CTH: variants seen among roughly 807,000 people sequenced by gnomAD.
CTH encodes cystathionase (cystathionine gamma-lyase).
A neutral mutation model predicts 50.6 loss-of-function variants in CTH; 41 were observed. The observed-to-expected ratio is 0.81, with a 90% CI of 0.63 to 1.05. The LOEUF (loss-of-function observed/expected upper bound fraction) is 1.05, where lower values mean the gene tolerates loss of function less well. Ranked by LOEUF, CTH falls within the 50% of genes least tolerant of loss-of-function variation. The probability of loss-of-function intolerance (pLI) is 0.00; values close to 1 mark genes in which losing one functional copy is unlikely to be tolerated. For synonymous variants in CTH, 156 were observed against 168.9 expected, an observed-to-expected ratio of 0.92 and a Z score of 0.59; for missense variants, 470 against 492.6, an observed-to-expected ratio of 0.95 and a Z score of 0.43.
In CTH at chr1:70,439,200, A is replaced by G. The variant is rs1379272118; in HGVS notation, c.*73A>G. On this transcript the variant is annotated 3_prime_UTR_variant, in exon 12 of 12. Coordinates refer to ENST00000370938, the MANE Select transcript of CTH (RefSeq NM_001902.6). ...TCCTGAGTAATTAAATGGACCAACA[A>G]TGAGCCTTTGCAAAATTTTCAAGCG... 8.4e-6 allele frequency: 12 copies of G among 1,436,242 alleles called. No homozygotes were observed. The highest frequency in any genetic ancestry group is 8.8e-6 in the Non-Finnish European group (9 of 1,019,550). 89.0% of individuals were successfully genotyped at this position (1,436,242 alleles called of 1,614,324 possible).
At chr1:70,415,279 C>T (rs1231415385) in intron 1 of CTH, among the ~76,000 whole-genome samples, 3 of 151,982 alleles carry the variant, frequency 2.0e-5, no homozygotes, top group African/African-American at 7.3e-5. Flanking sequence ...TGACATGCAC[C>T]TGTAGTCTTA....
At position 70,414,356 on chromosome 1, in the gene CTH, G is replaced by A. The variant is rs572732620; in HGVS notation, c.169-1600G>A. 8.6e-5 allele frequency among the ~76,000 whole-genome samples: 13 copies of A among 151,952 alleles called. No homozygotes were observed. In the South Asian group the frequency reaches 2.7e-3, roughly 32 times the overall value. On this transcript the variant is annotated intron_variant, in intron 1 of 11. Coordinates refer to ENST00000370938, the MANE Select transcript of CTH (RefSeq NM_001902.6). ...GTGAAACCCCATCTCTACTAAAAAA[G>A]TACAAAAATTAGCTGTGTGTGGTGG...
intron 5 of CTH, among the ~76,000 whole-genome samples, chr1:70,428,603 T>C (rs993511691): frequency 0.061 from 13 of 214 alleles, no homozygotes; most frequent in Middle Eastern, 0.5. Flanking sequence ...CAGACATATT[T>C]ATTTATTTAT....
At chr1:70,422,165 A>C (rs1161141793) in intron 4 of CTH, among the ~76,000 whole-genome samples, 14 of 152,214 alleles carry the variant, frequency 9.2e-5, no homozygotes, top group Admixed American at 9.2e-4. Context: ...AAGCCTGCCA[A>C]ACCCCCAAAC....
rs767342148 is a variant in CTH at position 70,418,027 on chromosome 1, A to G, written c.341A>G (p.Tyr114Cys). The change falls in exon 3 of 12, where the codon TAT becomes TGT. Residue 114 changes from tyrosine to cysteine, a missense_variant. By Grantham distance (194) the Tyr-to-Cys change is radical. Transcript: ENST00000370938. ...CAAATTATTTGTATGGATGATGTGT[A>G]TGGAGGTAGGTGACCCCTCTCATTT... The part of the protein sequence containing the change: ...GDQIICMDDV[Y>C]GGTNRYFRQV... 2 of 1,614,116 alleles carry G rather than the reference A, an allele frequency of 1.2e-6. No individual in the cohort carries two copies. The highest frequency in any genetic ancestry group is 1.7e-6 in the Non-Finnish European group (2 of 1,179,980).
intron 1 of CTH, among the ~76,000 whole-genome samples, chr1:70,413,472 G>T (rs955780098): frequency 1.3e-5 from 2 of 151,594 alleles, no homozygotes; most frequent in African/African-American, 4.8e-5. Flanking sequence ...CACCATGTTG[G>T]CCAGGCTGCT....
At chr1:70,412,171 G>C (rs1683980178) in intron 1 of CTH, among the ~76,000 whole-genome samples, 2 of 152,172 alleles carry the variant, frequency 1.3e-5, no homozygotes, top group Admixed American at 6.5e-5. Flanking sequence ...GTAAGTATTG[G>C]AGATGGAATT....
chr1:70,430,660 G>A (rs567752367), intron 7 of CTH, among the ~76,000 whole-genome samples: 4 of 151,518 alleles, frequency 2.6e-5, no homozygotes, highest in Admixed American at 2.0e-4. Context: ...TCCTGCCTCA[G>A]CCTCCTGAGT....
Position 70,439,195 on chromosome 1 carries a change from C to A in CTH, c.*68C>A. 1.4e-6 allele frequency: 2 copies of A among 1,457,352 alleles called. No individual in the cohort carries two copies. The highest frequency in any genetic ancestry group is 1.9e-6 in the Non-Finnish European group (2 of 1,037,672). The allele number at this position is 1,457,352 out of a possible 1,614,324, so 90.3% of individuals were successfully genotyped here. A position where few individuals can be genotyped will look rare whatever the true frequency, so the allele number is the denominator to read the frequency against. On this transcript the variant is annotated 3_prime_UTR_variant, in exon 12 of 12. Transcript: ENST00000370938. ...AATCTTCCTGAGTAATTAAATGGAC[C>A]AACAATGAGCCTTTGCAAAATTTTC...
intron 4 of CTH, among the ~76,000 whole-genome samples, chr1:70,422,622 T>C (rs1684250081): frequency 1.3e-5 from 2 of 150,532 alleles, no homozygotes; most frequent in African/African-American, 2.4e-5. Flanking sequence ...TTTTTTTTTT[T>C]TTTTTTTGAG....
intron 8 of CTH, among the ~76,000 whole-genome samples, chr1:70,433,208 A>G (rs1160820327): frequency 6.6e-6 from 1 of 152,208 alleles, no homozygotes; most frequent in Non-Finnish European, 1.5e-5. Flanking sequence ...GAATTTCACT[A>G]GGAAATTCAC....
At chr1:70,420,607 G>A (rs1452781739) in intron 3 of CTH, among the ~76,000 whole-genome samples, 5 of 152,104 alleles carry the variant, frequency 3.3e-5, no homozygotes, top group Admixed American at 1.3e-4. Context: ...CCACAAACCT[G>A]TACCTGTCTG....
At chr1:70,422,178 G>A (rs1429902541) in intron 4 of CTH, among the ~76,000 whole-genome samples, 2 of 152,186 alleles carry the variant, frequency 1.3e-5, no homozygotes, top group East Asian at 1.9e-4. Context: ...CCCCAAACTC[G>A]AAGCACAGTG....
chr1:70,424,928 CAAAA>C (rs879503134), intron 5 of CTH, among the ~76,000 whole-genome samples: 2 of 131,770 alleles, frequency 1.5e-5, no homozygotes, highest in Non-Finnish European at 3.3e-5. Context: ...GACTCTGTCT[CAAAA>C]AAAAAAAGCT....
chr1:70,439,813 G>A lies in CTH; in HGVS notation c.*686G>A, dbSNP rs1248770448. The stretch of plus-strand genomic sequence containing the variant: ...GCAAAAAAAATTAGACGGACGTGGT[G>A]GCGGGTGCCTGTAGTCCCAGCTACT... On this transcript the variant is annotated 3_prime_UTR_variant, in exon 12 of 12. Coordinates refer to ENST00000370938, the MANE Select transcript of CTH (RefSeq NM_001902.6). 1 of 152,210 alleles carries A rather than the reference G, an allele frequency of 6.6e-6. No homozygotes were observed. 9.4% of individuals were successfully genotyped at this position (152,210 alleles called of 1,614,324 possible).
intron 2 of CTH, among the ~76,000 whole-genome samples, chr1:70,417,162 C>T (rs1684111032): frequency 6.6e-6 from 1 of 151,956 alleles, no homozygotes; most frequent in Non-Finnish European, 1.5e-5. Context: ...ATTGTGATTA[C>T]ACTTATCAGA....
chr1:70,438,649 C>A, intron 10 of CTH, 39 bp from the exon 11 acceptor site: 2 of 1,612,350 alleles, frequency 1.2e-6, no homozygotes, highest in Non-Finnish European at 1.7e-6. Context: ...TCCACTGACA[C>A]AATATAGTGA....
rs748018656 is a variant in CTH at position 70,435,157 on chromosome 1, C to A, written c.1032C>A (p.Phe344Leu). Residue 344 changes from phenylalanine to leucine, a missense_variant, in exon 10 of 12, where the codon TTC becomes TTA. Transcript: ENST00000370938. ...CTCTGGCCGAGAGCTTGGGAGGATTCGAAAGCCTTGCTGAGCTTCCGTAAG... is the reference window on the plus strand; with the variant it reads ...CTCTGGCCGAGAGCTTGGGAGGATTAGAAAGCCTTGCTGAGCTTCCGTAAG... ...LFTLAESLGG[F>L]ESLAELPAIM... 3 of 1,612,924 alleles carry A rather than the reference C, an allele frequency of 1.9e-6. No homozygotes were observed. The highest frequency in any genetic ancestry group is 2.5e-6 in the Non-Finnish European group (3 of 1,179,424).
intron 1 of CTH, among the ~76,000 whole-genome samples, chr1:70,412,474 C>T (rs920385697): frequency 1.3e-5 from 2 of 152,234 alleles, no homozygotes; most frequent in East Asian, 1.9e-4. Context: ...GGCATGGTGG[C>T]GGGTAATCTC....
Sources: gnomAD v4.1 joint callset for allele counts (sites outside exome capture counted in the v4.1 genomes callset) on GRCh38, gnomAD v4.1.1 for gene constraint, MANE v1.5 for transcripts, NCBI Gene and HGNC (gene_info 2026-07-23, HGNC 2026-07-21) for gene names.